Variants in CSMD1 observed in about 807,000 individuals in gnomAD.
CSMD1 encodes CUB and Sushi multiple domains 1.
CSMD1 carries 213 observed loss-of-function variants against 417.5 expected under a neutral mutation model. The observed-to-expected ratio is 0.51, with a 90% CI of 0.46 to 0.57. CSMD1 has a LOEUF of 0.57. CSMD1 is among the 20% of genes least tolerant of loss of function. CSMD1 has a pLI of 0.00. For synonymous variants in CSMD1, 2,862 were observed against 1,736.8 expected (o/e 1.65, Z -16.11); for missense variants, 6,923 against 4,529.7 (o/e 1.53, Z -15.17).
chr8:3,416,568 A>G (rs984325673), intron 12 of CSMD1, among the ~76,000 whole-genome samples: 2 of 152,224 alleles, frequency 1.3e-5, no homozygotes, highest in African/African-American at 4.8e-5. Flanking sequence ...AAGCATAGTT[A>G]GCACGCTTGC....
chr8:4,772,320 C>A (rs1796643921), intron 1 of CSMD1, among the ~76,000 whole-genome samples: 1 of 152,202 alleles, frequency 6.6e-6, no homozygotes, highest in Admixed American at 6.5e-5. Context: ...CATCTTTACG[C>A]ATCTTCTATC....
Position 3,077,511 on chromosome 8 carries a change from C to A in CSMD1, c.7474+9586G>T, listed in dbSNP as rs145571749. On this transcript the variant is annotated intron_variant, in intron 49 of 69. Transcript: ENST00000635120. ...CATTCTCCCTGTGATGGTCTCTGGG[C>A]AGAAGCCTCATCCTGGCTGGCAGGT... is the stretch of plus-strand genomic sequence containing the variant. 8.6e-3 allele frequency among the ~76,000 whole-genome samples: 1,311 copies of A among 152,324 alleles called. 16 individuals carry two copies. Among genetic ancestry groups the A allele is most frequent in the African/African-American group, 0.03 (1,246 of 41,562 alleles).
At chr8:3,629,669 T>G (rs547638182) in intron 7 of CSMD1, among the ~76,000 whole-genome samples, 1 of 152,302 alleles carries the variant, frequency 6.6e-6, no homozygotes, top group South Asian at 2.1e-4. Flanking sequence ...ATACACAAGT[T>G]TATAAGAGAT....
chr8:3,459,498 C>G (rs180718459), intron 12 of CSMD1, among the ~76,000 whole-genome samples: 1 of 152,108 alleles, frequency 6.6e-6, no homozygotes, highest in African/African-American at 2.4e-5. Flanking sequence ...TCCACGCATG[C>G]GGCAGTCGGA....
chr8:4,408,552 A>T (rs1023031539), intron 3 of CSMD1, among the ~76,000 whole-genome samples: 2 of 152,208 alleles, frequency 1.3e-5, no homozygotes, highest in African/African-American at 4.8e-5. Context: ...ATTTAGATTT[A>T]TATTACTCTG....
At chr8:4,989,765 G>C (rs1811367070) in intron 1 of CSMD1, among the ~76,000 whole-genome samples, 2 of 152,182 alleles carry the variant, frequency 1.3e-5, no homozygotes, top group South Asian at 4.1e-4. Flanking sequence ...CATTTTGACA[G>C]CTTAGAAACG....
At chr8:4,160,111 G>A (rs540187420) in intron 3 of CSMD1, among the ~76,000 whole-genome samples, 17 of 4,690 alleles carry the variant, frequency 3.6e-3, no homozygotes, top group South Asian at 0.083. Flanking sequence ...AAGCACTGAG[G>A]ACATTAAAAA....
intron 5 of CSMD1, among the ~76,000 whole-genome samples, chr8:3,952,989 G>A (rs1209034194): frequency 1.3e-5 from 2 of 151,696 alleles, no homozygotes; most frequent in Non-Finnish European, 2.9e-5. Flanking sequence ...TTAAAAATTA[G>A]AAAAATAACA....
At chr8:3,129,317 C>T (rs539427681) in intron 41 of CSMD1, among the ~76,000 whole-genome samples, 1 of 152,336 alleles carries the variant, frequency 6.6e-6, no homozygotes, top group East Asian at 1.9e-4. Context: ...AAGCAATTGT[C>T]TGACCTGTGC....
intron 3 of CSMD1, among the ~76,000 whole-genome samples, chr8:4,299,358 A>G (rs1467967945): frequency 6.6e-6 from 1 of 152,180 alleles, no homozygotes; most frequent in Non-Finnish European, 1.5e-5. Flanking sequence ...TACTTGACAT[A>G]TTGTAAGTGT....
chr8:3,803,088 A>G (rs78474450), intron 5 of CSMD1, among the ~76,000 whole-genome samples: 2,331 of 152,320 alleles, frequency 0.015, 62 homozygotes, highest in African/African-American at 0.052. Context: ...GTCTATCTCT[A>G]TCAAAATGCA....
At chr8:4,135,048 A>G (rs931576344) in intron 3 of CSMD1, among the ~76,000 whole-genome samples, 1 of 152,120 alleles carries the variant, frequency 6.6e-6, no homozygotes, top group African/African-American at 2.4e-5. Flanking sequence ...CCCCTTTCTT[A>G]AACTCTTAGC....
At chr8:3,694,646 G>A (rs1800448751) in intron 7 of CSMD1, among the ~76,000 whole-genome samples, 1 of 151,984 alleles carries the variant, frequency 6.6e-6, no homozygotes, top group African/African-American at 2.4e-5. Context: ...GGCTGGGTGG[G>A]TGGACACAGC....
chr8:4,889,761 T>G (rs865878178), intron 1 of CSMD1, among the ~76,000 whole-genome samples: 3 of 152,130 alleles, frequency 2.0e-5, no homozygotes, highest in Admixed American at 6.5e-5. Flanking sequence ...TTATATTTTA[T>G]GTATTCTTCC....
chr8:4,411,792 G>A (rs558238022), intron 3 of CSMD1, among the ~76,000 whole-genome samples: 11 of 152,192 alleles, frequency 7.2e-5, no homozygotes, highest in South Asian at 4.1e-4. Flanking sequence ...ATGGAATCAC[G>A]TGGCATATGC....
At chr8:3,713,795 G>C (rs947245730) in intron 6 of CSMD1, among the ~76,000 whole-genome samples, 2 of 152,168 alleles carry the variant, frequency 1.3e-5, no homozygotes, top group Non-Finnish European at 2.9e-5. Flanking sequence ...TGTGTATAGA[G>C]ACCAACTACT....
intron 2 of CSMD1, among the ~76,000 whole-genome samples, chr8:4,460,974 G>T (rs977040217): frequency 2.0e-5 from 3 of 152,074 alleles, no homozygotes; most frequent in Non-Finnish European, 4.4e-5. Flanking sequence ...AGAAACTACA[G>T]ACTAGTATTT....
intron 3 of CSMD1, among the ~76,000 whole-genome samples, chr8:4,338,616 T>G (rs765525717): frequency 3.3e-5 from 5 of 152,152 alleles, no homozygotes; most frequent in Admixed American, 6.6e-5. Flanking sequence ...AATTAAATCT[T>G]TAAATTAGGT....
intron 1 of CSMD1, among the ~76,000 whole-genome samples, chr8:4,960,781 G>T (rs909680630): frequency 6.6e-6 from 1 of 152,034 alleles, no homozygotes; most frequent in Non-Finnish European, 1.5e-5. Context: ...ATCTAAGCAA[G>T]AACAGATGAT....
Sources: allele counts gnomAD v4.1 joint callset (sites outside exome capture counted in the v4.1 genomes callset), GRCh38; gene constraint gnomAD v4.1.1; transcripts MANE v1.5; gene names NCBI Gene and HGNC (gene_info 2026-07-23, HGNC 2026-07-21).